The following PALS2 variants were observed in gnomAD, a reference collection of about 807,000 sequenced individuals.
The protein encoded by PALS2 is protein associated with LIN7 2, MAGUK p55 family member.
In PALS2, 27 loss-of-function variants were observed where a neutral mutation model predicts 61.6. The observed-to-expected ratio is 0.44, with a 90% CI of 0.32 to 0.60. The LOEUF is 0.60. PALS2 is among the 20% of genes least tolerant of loss of function. The probability of loss-of-function intolerance (pLI) is 0.05; values close to 1 mark genes in which losing one functional copy is unlikely to be tolerated. For missense variants in PALS2, 554 were observed against 639.4 expected (o/e 0.87, Z 1.44); for synonymous variants, 236 against 218.6 (o/e 1.08, Z -0.70).
At chr7:24,575,384 A>G (rs945116610) in intron 1 of PALS2, among the ~76,000 whole-genome samples, 1 of 152,156 alleles carries the variant, frequency 6.6e-6, no homozygotes, top group African/African-American at 2.4e-5. Flanking sequence ...GATTTTTAAA[A>G]ATGAATCATA....
chr7:24,574,554 T>C (rs1023364295), intron 1 of PALS2, among the ~76,000 whole-genome samples: 19 of 151,954 alleles, frequency 1.3e-4, no homozygotes, highest in African/African-American at 2.9e-4. Context: ...AGGGAGAGAA[T>C]TGAAGACTGC....
At chr7:24,657,050 C>T (rs1786456422) in intron 5 of PALS2, among the ~76,000 whole-genome samples, 1 of 152,162 alleles carries the variant, frequency 6.6e-6, no homozygotes, top group South Asian at 2.1e-4. Context: ...GAGATTCATT[C>T]ATGTTATGTA....
intron 5 of PALS2, 66 bp from the exon 6 acceptor site, chr7:24,663,524 A>G: frequency 7.0e-7 from 1 of 1,426,194 alleles, no homozygotes; most frequent in Non-Finnish European, 9.5e-7. Flanking sequence ...TGGTTTGACA[A>G]GGATTTTTTA....
At position 24,638,892 on chromosome 7, in the gene PALS2, C is replaced by T. The variant is rs183118289; in HGVS notation, c.118-2824C>T. ...TGATCATTTCTGTTCCTTTACTTCT[C>T]CTAAAGTCCTGAATTAAACCAAGGA... On this transcript the variant is annotated intron_variant, in intron 2 of 11. Coordinates refer to ENST00000222644, the MANE Select transcript of PALS2 (RefSeq NM_001303037.2). Among the ~76,000 whole-genome samples, 11 of 152,296 alleles carry T rather than the reference C, an allele frequency of 7.2e-5. No homozygotes were observed. The East Asian group carries it at 2.1e-3, about 29-fold the overall frequency.
At chr7:24,607,114 TG>T (rs1334186282) in intron 1 of PALS2, among the ~76,000 whole-genome samples, 2 of 152,172 alleles carry the variant, frequency 1.3e-5, no homozygotes, top group African/African-American at 4.8e-5. Flanking sequence ...CCTTATGAGT[TG>T]TATCAATGTC....
chr7:24,625,381 G>C (rs997988917), intron 2 of PALS2, among the ~76,000 whole-genome samples: 8 of 152,070 alleles, frequency 5.3e-5, no homozygotes, highest in Non-Finnish European at 8.8e-5. Context: ...AGTTTGCAAA[G>C]GTCTTTAAAA....
intron 2 of PALS2, among the ~76,000 whole-genome samples, chr7:24,640,866 G>C (rs1305085187): frequency 6.6e-6 from 1 of 151,928 alleles, no homozygotes; most frequent in African/African-American, 2.4e-5. Flanking sequence ...AAATTAGCCA[G>C]GCTTGGTGGC....
At position 24,573,490 on chromosome 7, in the gene PALS2, A is replaced by G. The variant is rs1034874214; in HGVS notation, c.-106A>G. The G allele has an allele frequency of 8.0e-6, 3 of 373,822 alleles. No individual in the cohort carries two copies. The highest frequency in any genetic ancestry group is 3.8e-5 in the East Asian group (1 of 26,602). 23.2% of individuals were successfully genotyped at this position (373,822 alleles called of 1,614,324 possible). ...TCAACTACGAGCCACGAGTTTGCAG[A>G]TGGGGCTGCTCGGCGGCGCCTGTGG... is the stretch of plus-strand genomic sequence containing the variant. On this transcript the variant is annotated 5_prime_UTR_variant, in exon 1 of 12. It removes an upstream start codon present in the reference 5' UTR. Transcript: ENST00000222644. The surrounding 1 kb of genome is among the most constrained non-coding windows in gnomAD (Gnocchi z 5.3).
At chr7:24,601,204 C>T (rs1335765584) in intron 1 of PALS2, among the ~76,000 whole-genome samples, 2 of 152,106 alleles carry the variant, frequency 1.3e-5, no homozygotes, top group Non-Finnish European at 2.9e-5. Context: ...TCCCTCAGTT[C>T]TTTCACCCTA....
At chr7:24,675,001 A>G (rs554601807) in intron 9 of PALS2, among the ~76,000 whole-genome samples, 1 of 152,332 alleles carries the variant, frequency 6.6e-6, no homozygotes, top group East Asian at 1.9e-4. Flanking sequence ...ATAGAAGTCT[A>G]AGGAATCAGT....
intron 2 of PALS2, among the ~76,000 whole-genome samples, chr7:24,627,054 C>G (rs1417745903): frequency 6.6e-6 from 1 of 152,178 alleles, no homozygotes; most frequent in East Asian, 1.9e-4. Context: ...CACCCCAAAT[C>G]AACAGAATAT....
rs79792935 is a variant in PALS2 at position 24,647,443 on chromosome 7, C to T, written c.271-2169C>T. 7.4e-3 allele frequency among the ~76,000 whole-genome samples: 1,122 copies of T among 152,344 alleles called. 21 individuals carry two copies. Among genetic ancestry groups the T allele is most frequent in the African/African-American group, 0.026 (1,084 of 41,578 alleles). ...GGATTACAGGCGTGAGCCATCATATCATGCCCAGCCTCATTGATCTTTTGG... is the reference window on the plus strand; with the variant it reads ...GGATTACAGGCGTGAGCCATCATATTATGCCCAGCCTCATTGATCTTTTGG... On this transcript the variant is annotated intron_variant, in intron 3 of 11. Coordinates refer to ENST00000222644, the MANE Select transcript of PALS2 (RefSeq NM_001303037.2).
chr7:24,629,519 A>C (rs1224143272), intron 2 of PALS2, among the ~76,000 whole-genome samples: 1 of 152,206 alleles, frequency 6.6e-6, no homozygotes, highest in Non-Finnish European at 1.5e-5. Flanking sequence ...TGCACAACAA[A>C]AGAAACTATC....
chr7:24,644,165 CAT>C (rs1491193761), intron 3 of PALS2, among the ~76,000 whole-genome samples: 1 of 149,114 alleles, frequency 6.7e-6, no homozygotes, highest in African/African-American at 2.5e-5. Flanking sequence ...TAGGTAAACA[CAT>C]GTAATGGGGG....
chr7:24,627,977 CA>C (rs1240141903), intron 2 of PALS2, among the ~76,000 whole-genome samples: 1 of 152,112 alleles, frequency 6.6e-6, no homozygotes, highest in Non-Finnish European at 1.5e-5. Context: ...GAAACTATTC[CA>C]AACAACAGAA....
At chr7:24,684,169 G>C (rs950714658) in intron 11 of PALS2, among the ~76,000 whole-genome samples, 1 of 151,424 alleles carries the variant, frequency 6.6e-6, no homozygotes, top group Non-Finnish European at 1.5e-5. Context: ...GTGCAGTCTC[G>C]ACTCACTGCA....
At chr7:24,581,067 G>C (rs564552833) in intron 1 of PALS2, among the ~76,000 whole-genome samples, 1 of 152,118 alleles carries the variant, frequency 6.6e-6, no homozygotes, top group Admixed American at 6.5e-5. Flanking sequence ...CAGTATAATT[G>C]GGCCAAAATC....
intron 3 of PALS2, among the ~76,000 whole-genome samples, chr7:24,647,523 C>A (rs1223633684): frequency 2.0e-5 from 3 of 152,122 alleles, no homozygotes. Flanking sequence ...TGTTATTTCT[C>A]ATCTTATTCT....
chr7:24,679,731 T>TTTA (rs3038353), intron 10 of PALS2, among the ~76,000 whole-genome samples: 75,901 of 151,680 alleles, frequency 0.5, 22,351 homozygotes, highest in African/African-American at 0.82. Flanking sequence ...CACTATTCAT[T>TTTA]TTGTCACTCT....
Sources: gnomAD v4.1 joint callset for allele counts (sites outside exome capture counted in the v4.1 genomes callset) on GRCh38, gnomAD v4.1.1 for gene constraint, Gnocchi (gnomAD v3.1) non-coding constraint, MANE v1.5 for transcripts, NCBI Gene and HGNC (gene_info 2026-07-23, HGNC 2026-07-21) for gene names.